UTRN: variants seen among roughly 807,000 people sequenced by gnomAD.
The protein encoded by UTRN is utrophin.
A neutral mutation model predicts 463.9 loss-of-function variants in UTRN; 283 were observed. The ratio of observed to expected loss-of-function variants is 0.61; its 90% CI spans 0.55 to 0.67. The LOEUF is 0.67. Ranked by LOEUF, UTRN falls within the 30% of genes least tolerant of loss-of-function variation. The pLI is 0.00. For synonymous variants in UTRN, 1,442 were observed against 1,431.5 expected (o/e 1.01, Z -0.17); for missense variants, 3,922 against 4,084.3 (o/e 0.96, Z 1.08).
chr6:144,736,820 C>A (rs1365553633), intron 54 of UTRN, among the ~76,000 whole-genome samples: 1 of 152,176 alleles, frequency 6.6e-6, no homozygotes, highest in Non-Finnish European at 1.5e-5. Context: ...TGCTGGGAGC[C>A]AGGCTCCTCA....
chr6:144,843,810 A>G (rs1010938701), intron 73 of UTRN, among the ~76,000 whole-genome samples: 10 of 152,214 alleles, frequency 6.6e-5, no homozygotes, highest in Non-Finnish European at 1.2e-4. Context: ...ATATGTTTGT[A>G]TGTAAAATAC....
At chr6:144,840,946 G>T (rs569333567) in intron 73 of UTRN, 114 bp downstream of exon 73, 1 of 1,071,546 alleles carries the variant, frequency 9.3e-7, no homozygotes, top group Non-Finnish European at 1.3e-6. Context: ...TTACAAACAG[G>T]ACTGAATATT....
At chr6:144,352,232 A>G (rs1352667753) in intron 2 of UTRN, among the ~76,000 whole-genome samples, 3 of 152,186 alleles carry the variant, frequency 2.0e-5, no homozygotes, top group African/African-American at 7.2e-5. Context: ...AGTATTTATT[A>G]TCTAACTCTG....
chr6:144,513,514 T>C (rs1408598193), intron 35 of UTRN, among the ~76,000 whole-genome samples: 2 of 152,012 alleles, frequency 1.3e-5, no homozygotes, highest in South Asian at 2.1e-4. Flanking sequence ...TGTGCCACTC[T>C]ACTCCAGGCT....
chr6:144,289,626 A>T (rs1251908063), intron 1 of UTRN, among the ~76,000 whole-genome samples: 1 of 150,432 alleles, frequency 6.6e-6, no homozygotes, highest in Non-Finnish European at 1.5e-5. Flanking sequence ...CTAGACCCAG[A>T]TGCCCTTTAA....
At chr6:144,370,497 A>G (rs996188141) in intron 2 of UTRN, among the ~76,000 whole-genome samples, 8 of 152,228 alleles carry the variant, frequency 5.3e-5, no homozygotes, top group Admixed American at 4.6e-4. Flanking sequence ...ATGTCCAGGC[A>G]GAGGTGTGTT....
intron 51 of UTRN, among the ~76,000 whole-genome samples, chr6:144,578,236 TG>T (rs1562598668): frequency 6.6e-6 from 1 of 152,188 alleles, no homozygotes; most frequent in East Asian, 1.9e-4. Flanking sequence ...CCTATTTCAA[TG>T]GGGAAGTCTC....
chr6:144,686,693 A>G (rs542896165), intron 52 of UTRN, among the ~76,000 whole-genome samples: 30 of 151,820 alleles, frequency 2.0e-4, no homozygotes, highest in African/African-American at 7.3e-4. Flanking sequence ...AGTCTGTTTT[A>G]TCTGATATAA....
At chr6:144,676,963 G>T (rs1343704438) in intron 51 of UTRN, among the ~76,000 whole-genome samples, 3 of 152,146 alleles carry the variant, frequency 2.0e-5, no homozygotes, top group Admixed American at 2.0e-4. Flanking sequence ...GCAAAGTTCA[G>T]TGATTTGGCA....
Position 144,640,554 on chromosome 6 carries a change from C to T in UTRN, c.7480-37852C>T, listed in dbSNP as rs559287980. 5.3e-5 allele frequency among the ~76,000 whole-genome samples: 8 copies of T among 152,186 alleles called. No homozygotes were observed. In the East Asian group the frequency reaches 1.5e-3, roughly 29 times the overall value. ...AGAAAAAAATGTGTTAAGTTTTTAT[C>T]CCTTAAAGAGTATCTCATAACTTAC... On this transcript the variant is annotated intron_variant, in intron 51 of 74. Transcript: ENST00000367545.
intron 60 of UTRN, among the ~76,000 whole-genome samples, chr6:144,778,198 T>C (rs925680642): frequency 2.0e-5 from 3 of 151,182 alleles, no homozygotes; most frequent in Non-Finnish European, 4.4e-5. Flanking sequence ...TGGCTGGGAG[T>C]TGTAGGAGGG....
chr6:144,567,810 A>T (rs765361030), intron 50 of UTRN, among the ~76,000 whole-genome samples: 1 of 152,190 alleles, frequency 6.6e-6, no homozygotes, highest in Admixed American at 6.5e-5. Flanking sequence ...ACACACATTG[A>T]TGGGTTTCCT....
At chr6:144,482,479 T>A (rs531375219) in intron 27 of UTRN, 91 bp downstream of exon 27, 1 of 922,750 alleles carries the variant, frequency 1.1e-6, no homozygotes, top group African/African-American at 1.8e-5. Flanking sequence ...AACTCTGTAA[T>A]GTTTTGGCCA....
intron 53 of UTRN, among the ~76,000 whole-genome samples, chr6:144,719,444 A>T (rs1052915638): frequency 1.3e-5 from 2 of 152,030 alleles, no homozygotes; most frequent in African/African-American, 2.4e-5. Context: ...GGGCGTGGTG[A>T]CACCTGCCTG....
chr6:144,719,966 G>T (rs1786934637), intron 53 of UTRN, among the ~76,000 whole-genome samples: 3 of 152,202 alleles, frequency 2.0e-5, no homozygotes, highest in Admixed American at 1.3e-4. Flanking sequence ...AAAGAAGGGG[G>T]GTGACCCCAG....
At chr6:144,417,084 A>T (rs1231669546) in intron 3 of UTRN, among the ~76,000 whole-genome samples, 1 of 152,208 alleles carries the variant, frequency 6.6e-6, no homozygotes, top group Non-Finnish European at 1.5e-5. Context: ...AGCTTGTGAT[A>T]CCAAAGCACC....
chr6:144,380,002 A>G (rs561259400), intron 2 of UTRN, among the ~76,000 whole-genome samples: 3 of 152,318 alleles, frequency 2.0e-5, no homozygotes, highest in Admixed American at 6.5e-5. Context: ...AGCCTACTGG[A>G]ATGTGTATTT....
At chr6:144,674,245 A>T (rs947842121) in intron 51 of UTRN, among the ~76,000 whole-genome samples, 1 of 151,698 alleles carries the variant, frequency 6.6e-6, no homozygotes, top group African/African-American at 2.4e-5. Flanking sequence ...TAAATTTTCC[A>T]AACTTTTAGA....
intron 66 of UTRN, among the ~76,000 whole-genome samples, chr6:144,826,079 A>G (rs917685048): frequency 6.6e-6 from 1 of 151,730 alleles, no homozygotes; most frequent in Non-Finnish European, 1.5e-5. Flanking sequence ...GCACACCAAC[A>G]TGGCACATGT....
Sources: gnomAD v4.1 joint callset for allele counts (sites outside exome capture counted in the v4.1 genomes callset) on GRCh38, gnomAD v4.1.1 for gene constraint, MANE v1.5 for transcripts, NCBI Gene and HGNC (gene_info 2026-07-23, HGNC 2026-07-21) for gene names.